HNRNPC: variants seen among roughly 807,000 people sequenced by gnomAD.
The protein encoded by HNRNPC is heterogeneous nuclear ribonucleoprotein C, also known as heterogeneous nuclear ribonucleoproteins C1/C2.
Under a neutral mutation model 33.2 loss-of-function variants are expected in HNRNPC, and 3 were observed. The observed-to-expected ratio is 0.09, with a 90% CI of 0.04 to 0.23. HNRNPC has a LOEUF of 0.23. Ranked by LOEUF, HNRNPC falls within the 10% of genes least tolerant of loss-of-function variation. The pLI is 1.00. For missense variants in HNRNPC, 143 were observed against 366.7 expected (o/e 0.39, Z 4.98); for synonymous variants, 121 against 126.7 (o/e 0.96, Z 0.30).
intron 2 of HNRNPC, among the ~76,000 whole-genome samples, chr14:21,239,372 C>T (rs534016698): frequency 1.6e-3 from 236 of 151,734 alleles, no homozygotes; most frequent in African/African-American, 5.1e-3. Context: ...CCCAGCTATT[C>T]GGGAGGCTGA....
chr14:21,252,533 G>GA (rs1896788743), intron 2 of HNRNPC, among the ~76,000 whole-genome samples: 1 of 152,100 alleles, frequency 6.6e-6, no homozygotes, highest in Admixed American at 6.6e-5. Flanking sequence ...GGCTGGTCTC[G>GA]AACTCCTGGC....
At chr14:21,240,601 A>G (rs1895229333) in intron 2 of HNRNPC, among the ~76,000 whole-genome samples, 1 of 152,124 alleles carries the variant, frequency 6.6e-6, no homozygotes, top group Non-Finnish European at 1.5e-5. Flanking sequence ...CATGGAGTCA[A>G]GACTTCAGCT....
chr14:21,243,181 A>G (rs1349161365), intron 2 of HNRNPC, among the ~76,000 whole-genome samples: 1 of 152,128 alleles, frequency 6.6e-6, no homozygotes, highest in African/African-American at 2.4e-5. Context: ...TATCTAGATA[A>G]TTTTACTATC....
intron 3 of HNRNPC, among the ~76,000 whole-genome samples, chr14:21,233,382 A>G (rs775995380): frequency 2.6e-5 from 4 of 152,246 alleles, no homozygotes; most frequent in Non-Finnish European, 5.9e-5. Context: ...AACTTTGTAA[A>G]AACAAAGGTA....
At chr14:21,256,847 T>C (rs938520967) in intron 2 of HNRNPC, among the ~76,000 whole-genome samples, 1 of 151,902 alleles carries the variant, frequency 6.6e-6, no homozygotes, top group Non-Finnish European at 1.5e-5. Context: ...AGAGACAGGG[T>C]TTCACCATGT....
intron 2 of HNRNPC, among the ~76,000 whole-genome samples, chr14:21,246,292 G>T (rs35527372): frequency 0.011 from 1,744 of 152,232 alleles, 19 homozygotes; most frequent in Middle Eastern, 0.017. Flanking sequence ...GGGCGCGGTG[G>T]CTCATGCCTA....
intron 2 of HNRNPC, among the ~76,000 whole-genome samples, chr14:21,256,539 G>C (rs1877241118): frequency 6.6e-6 from 1 of 152,112 alleles, no homozygotes; most frequent in African/African-American, 2.4e-5. Context: ...AGGGACAAAA[G>C]AAATACAAAC....
intron 5 of HNRNPC, among the ~76,000 whole-genome samples, chr14:21,221,944 T>C (rs1247903303): frequency 7.1e-6 from 1 of 141,236 alleles, no homozygotes; most frequent in Admixed American, 7.7e-5. Flanking sequence ...AGCTACTCGG[T>C]AGGCTGAGGC....
intron 1 of HNRNPC, among the ~76,000 whole-genome samples, chr14:21,267,543 GA>G (rs1314612732): frequency 6.8e-6 from 1 of 146,724 alleles, no homozygotes; most frequent in Non-Finnish European, 1.5e-5. Context: ...GCACTAGCAT[GA>G]GGGGGAAAAA....
intron 2 of HNRNPC, among the ~76,000 whole-genome samples, chr14:21,243,166 AT>A (rs1895558525): frequency 6.6e-6 from 1 of 152,188 alleles, no homozygotes; most frequent in South Asian, 2.1e-4. Context: ...CAAAAGAGAC[AT>A]TTTTATCTAG....
In HNRNPC at chr14:21,258,389, C is replaced by CA. The variant is rs200828812; in HGVS notation, c.-37+4921dup. ...CTGGTGACAGAGCGAGACTATGTCT[C>CA]AAAAAAAAAAAAAAGTTCAACATAT... On this transcript the variant is annotated intron_variant, in intron 2 of 8. Coordinates refer to ENST00000553300, the MANE Select transcript of HNRNPC (RefSeq NM_004500.4). 1.6e-3 allele frequency among the ~76,000 whole-genome samples: 215 copies of CA among 132,524 alleles called. 2 individuals are homozygous for CA. The highest frequency in any genetic ancestry group is 2.2e-3 in the African/African-American group (79 of 35,430). The allele number at this position is 132,524 out of a possible 152,430, so 86.9% of individuals were successfully genotyped here. A position where few individuals can be genotyped will look rare whatever the true frequency, so the allele number is the denominator to read the frequency against.
chr14:21,214,426 T>C (rs1179311616), intron 5 of HNRNPC, among the ~76,000 whole-genome samples: 1 of 152,176 alleles, frequency 6.6e-6, no homozygotes, highest in Non-Finnish European at 1.5e-5. Flanking sequence ...CAAAGCAATG[T>C]TTAATCTTGT....
In HNRNPC at chr14:21,209,861, C is replaced by T. The variant is rs1891434331; in HGVS notation, c.*1362G>A. ...TTTCAAGGATGAGGTATCACCAACA[C>T]TGGTAGCTGTTTAATATATTCATCT... On this transcript the variant is annotated 3_prime_UTR_variant, in exon 9 of 9. Transcript: ENST00000553300. The T allele has an allele frequency of 6.6e-6, 1 of 152,182 alleles. No homozygotes were observed. The highest frequency in any genetic ancestry group is 1.9e-4 in the East Asian group (1 of 5,198). The allele number at this position is 152,182 out of a possible 1,614,324, so 9.4% of individuals were successfully genotyped here. A position where few individuals can be genotyped will look rare whatever the true frequency, so the allele number is the denominator to read the frequency against.
rs530783149 is a variant in HNRNPC at position 21,243,046 on chromosome 14, A to G, written c.-36-8817T>C. ...AGGCTGAGGCAGGAGAATTGCTTGAACCCTAGAAGTGGAGGCTGCAATGAG... is the reference window on the plus strand; with the variant it reads ...AGGCTGAGGCAGGAGAATTGCTTGAGCCCTAGAAGTGGAGGCTGCAATGAG... On this transcript the variant is annotated intron_variant, in intron 2 of 8. Transcript: ENST00000553300. 4.1e-4 allele frequency among the ~76,000 whole-genome samples: 63 copies of G among 152,026 alleles called. 1 individual carries two copies. Among genetic ancestry groups the G allele is most frequent in the African/African-American group, 1.5e-3 (62 of 41,448 alleles).
At chr14:21,222,496 G>A (rs888568874) in intron 5 of HNRNPC, among the ~76,000 whole-genome samples, 1 of 152,086 alleles carries the variant, frequency 6.6e-6, no homozygotes, top group Non-Finnish European at 1.5e-5. Flanking sequence ...TGGTTCATCC[G>A]TGTTGTACCA....
intron 5 of HNRNPC, among the ~76,000 whole-genome samples, chr14:21,225,013 T>C (rs534554474): frequency 6.6e-6 from 1 of 152,250 alleles, no homozygotes; most frequent in African/African-American, 2.4e-5. Context: ...ACTAAACCAG[T>C]CTTTTTGAAC....
chr14:21,222,955 C>T (rs904088581), intron 5 of HNRNPC, among the ~76,000 whole-genome samples: 1 of 151,960 alleles, frequency 6.6e-6, no homozygotes, highest in Non-Finnish European at 1.5e-5. Context: ...AATCCTAGCA[C>T]TTTGGGAGGC....
chr14:21,216,986 C>A (rs1426023598), intron 5 of HNRNPC, among the ~76,000 whole-genome samples: 1 of 152,136 alleles, frequency 6.6e-6, no homozygotes, highest in Non-Finnish European at 1.5e-5. Flanking sequence ...TTCATCTGAC[C>A]ATAGCCAAAA....
At position 21,242,055 on chromosome 14, in the gene HNRNPC, C is replaced by T. The variant is rs545617708; in HGVS notation, c.-36-7826G>A. Among the ~76,000 whole-genome samples the T allele has an allele frequency of 2.0e-5, 3 of 152,238 alleles. No homozygotes were observed. The East Asian group carries it at 5.8e-4, about 29-fold the overall frequency. On this transcript the variant is annotated intron_variant, in intron 2 of 8. Coordinates refer to ENST00000553300, the MANE Select transcript of HNRNPC (RefSeq NM_004500.4). ...CTCACTCTAAATCCTAATATAAATA[C>T]AAATCGTGTAAAACTGCACACGCAA... is the stretch of plus-strand genomic sequence containing the variant.
Sources: gnomAD v4.1 joint callset for allele counts (sites outside exome capture counted in the v4.1 genomes callset) on GRCh38, gnomAD v4.1.1 for gene constraint, MANE v1.5 for transcripts, NCBI Gene and HGNC (gene_info 2026-07-23, HGNC 2026-07-21) for gene names.